CORO2A: variants seen among roughly 807,000 people sequenced by gnomAD.
CORO2A encodes coronin 2A.
In CORO2A, 47 loss-of-function variants were observed where a neutral mutation model predicts 62.4. The ratio of observed to expected loss-of-function variants is 0.75; its 90% CI spans 0.60 to 0.96. The LOEUF is 0.96. CORO2A is among the 40% of genes least tolerant of loss of function. CORO2A has a pLI of 0.00. For missense variants in CORO2A, 610 were observed against 684.1 expected, an observed-to-expected ratio of 0.89 and a Z score of 1.21; for synonymous variants, 273 against 268.9, an observed-to-expected ratio of 1.02 and a Z score of -0.15.
At chr9:98,153,210 C>T (rs528482799) in intron 2 of CORO2A, among the ~76,000 whole-genome samples, 2 of 149,198 alleles carry the variant, frequency 1.3e-5, no homozygotes, top group East Asian at 4.1e-4. Context: ...AGTGATTCTC[C>T]TGCCTCAGAC....
intron 1 of CORO2A, among the ~76,000 whole-genome samples, chr9:98,169,982 C>G (rs1828011465): frequency 6.6e-6 from 1 of 152,134 alleles, no homozygotes. Flanking sequence ...GGGAGGTAGC[C>G]AAAGGCAGGG....
chr9:98,189,790 T>C lies in CORO2A; in HGVS notation c.-1+2769A>G, dbSNP rs147704302. Among the ~76,000 whole-genome samples the C allele has an allele frequency of 3.9e-5, 6 of 152,356 alleles. No homozygotes were observed. The East Asian group carries it at 1.2e-3, about 29-fold the overall frequency. ...CTGGCCAGACTCCGGTAATGTAAGC[T>C]TCAGTGCCACTATTTTTTAAGCTGT... On this transcript the variant is annotated intron_variant, in intron 1 of 11. Coordinates refer to ENST00000375077, the MANE Select transcript of CORO2A (RefSeq NM_052820.4).
chr9:98,137,474 A>C, intron 3 of CORO2A, 98 bp downstream of exon 3: 1 of 942,892 alleles, frequency 1.1e-6, no homozygotes, highest in African/African-American at 1.6e-5. Flanking sequence ...TCCGCGATGG[A>C]GTCAGGGGCA....
At chr9:98,163,752 G>GAGAGAGAGAGAGAGAGAGAGAGAA in intron 1 of CORO2A, among the ~76,000 whole-genome samples, 1 of 147,152 alleles carries the variant, frequency 6.8e-6, no homozygotes, top group Non-Finnish European at 1.5e-5. Flanking sequence ...GAGAGAGAGA[G>GAGAGAGAGAGAGAGAGAGAGAGAA]AGAGAGAGAG....
chr9:98,132,375 G>T (rs1295259309), intron 5 of CORO2A, 74 bp from the exon 6 acceptor site: 7 of 1,262,764 alleles, frequency 5.5e-6, no homozygotes, highest in Non-Finnish European at 8.1e-6. Flanking sequence ...TGGCCTCCCT[G>T]CTTTGCTTAT....
intron 1 of CORO2A, among the ~76,000 whole-genome samples, chr9:98,159,005 C>T (rs897730878): frequency 6.6e-6 from 1 of 152,026 alleles, no homozygotes; most frequent in Non-Finnish European, 1.5e-5. Flanking sequence ...CTTGGCCAGA[C>T]GGACCCTTCT....
At chr9:98,156,859 ACCTGGGATCCC>A (rs1214118812) in intron 2 of CORO2A, among the ~76,000 whole-genome samples, 3 of 152,206 alleles carry the variant, frequency 2.0e-5, no homozygotes, top group African/African-American at 7.2e-5. Context: ...GGCACTACTA[ACCTGGGATCCC>A]TCTAGCCCCT....
chr9:98,173,822 C>A (rs1241873860), intron 1 of CORO2A, among the ~76,000 whole-genome samples: 1 of 152,152 alleles, frequency 6.6e-6, no homozygotes, highest in Non-Finnish European at 1.5e-5. Context: ...AGCTTAAGAG[C>A]GTGTAGCCTT....
intron 2 of CORO2A, among the ~76,000 whole-genome samples, chr9:98,146,226 C>A (rs777023080): frequency 6.6e-6 from 1 of 152,206 alleles, no homozygotes; most frequent in Non-Finnish European, 1.5e-5. Flanking sequence ...TCTTCACCCC[C>A]TCCCTGGAGT....
At chr9:98,134,520 T>C (rs1052026648) in intron 4 of CORO2A, among the ~76,000 whole-genome samples, 2 of 152,154 alleles carry the variant, frequency 1.3e-5, no homozygotes, top group African/African-American at 4.8e-5. Context: ...CCAATGATAG[T>C]TGCTCTCCTC....
chr9:98,183,489 C>T (rs1828202178), intron 1 of CORO2A, among the ~76,000 whole-genome samples: 1 of 152,218 alleles, frequency 6.6e-6, no homozygotes, highest in Non-Finnish European at 1.5e-5. Context: ...CTGCTGATGT[C>T]AGACCGGCCT....
intron 1 of CORO2A, among the ~76,000 whole-genome samples, chr9:98,162,210 G>C (rs1310481120): frequency 1.3e-5 from 2 of 152,182 alleles, no homozygotes; most frequent in Non-Finnish European, 2.9e-5. Context: ...TTTTGAGCCT[G>C]CAGCTCCAGG....
At chr9:98,155,342 A>ATTTTTTTTTT (rs11379239) in intron 2 of CORO2A, among the ~76,000 whole-genome samples, 1 of 101,860 alleles carries the variant, frequency 9.8e-6, no homozygotes, top group African/African-American at 3.9e-5. Flanking sequence ...TTATTGCTCA[A>ATTTTTTTTTT]TTTTTTTTTT....
At chr9:98,152,126 G>GGTT (rs1554744727) in intron 2 of CORO2A, among the ~76,000 whole-genome samples, 3 of 142,098 alleles carry the variant, frequency 2.1e-5, no homozygotes, top group Admixed American at 7.0e-5. Flanking sequence ...CTCTTTTGCT[G>GGTT]TTTTTTTTTT....
chr9:98,181,563 C>T (rs1021479017), intron 1 of CORO2A, among the ~76,000 whole-genome samples: 1 of 151,944 alleles, frequency 6.6e-6, no homozygotes, highest in African/African-American at 2.4e-5. Context: ...GTGAGCAGAC[C>T]CCTCGGCGGC....
intron 1 of CORO2A, among the ~76,000 whole-genome samples, chr9:98,173,686 C>T (rs1228923566): frequency 1.3e-5 from 2 of 152,188 alleles, no homozygotes; most frequent in African/African-American, 2.4e-5. Context: ...ATAACAGCTT[C>T]GCAGCCCAGT....
intron 1 of CORO2A, 147 bp from the exon 2 acceptor site, chr9:98,157,807 C>G (rs1289206103): frequency 7.4e-6 from 5 of 676,098 alleles, no homozygotes; most frequent in Non-Finnish European, 1.3e-5. Context: ...GAAGGGCAAA[C>G]AAGTGAAAAG....
chr9:98,180,054 C>T (rs146612850), intron 1 of CORO2A, among the ~76,000 whole-genome samples: 1 of 152,278 alleles, frequency 6.6e-6, no homozygotes, highest in Non-Finnish European at 1.5e-5. Context: ...GCCTCAAAGT[C>T]TGACATTTTA....
At chr9:98,170,107 T>C (rs1828013557) in intron 1 of CORO2A, among the ~76,000 whole-genome samples, 1 of 152,272 alleles carries the variant, frequency 6.6e-6, no homozygotes, top group Admixed American at 6.5e-5. Flanking sequence ...ATAATGTATG[T>C]AAAAGACCTT....
Sources: allele counts gnomAD v4.1 joint callset (sites outside exome capture counted in the v4.1 genomes callset), GRCh38; gene constraint gnomAD v4.1.1; transcripts MANE v1.5; gene names NCBI Gene and HGNC (gene_info 2026-07-23, HGNC 2026-07-21).